Variants in TLN2 observed in about 807,000 individuals in gnomAD.
TLN2 encodes talin-2.
TLN2 carries 118 observed loss-of-function variants against 294.7 expected under a neutral mutation model. The ratio of observed to expected loss-of-function variants is 0.40; its 90% CI spans 0.34 to 0.47. The LOEUF (loss-of-function observed/expected upper bound fraction) is 0.47, where lower values mean the gene tolerates loss of function less well. TLN2 is among the 20% of genes least tolerant of loss of function. TLN2 has a pLI of 0.84. For synonymous variants in TLN2, 1,431 were observed against 1,304.5 expected (o/e 1.10, Z -2.09); for missense variants, 3,083 against 3,282.2 (o/e 0.94, Z 1.48).
At chr15:62,676,933 C>A (rs766219289) in intron 11 of TLN2, among the ~76,000 whole-genome samples, 1 of 152,198 alleles carries the variant, frequency 6.6e-6, no homozygotes, top group African/African-American at 2.4e-5. Context: ...TAAGTGAGAA[C>A]ACAGAGCCCC....
At chr15:62,587,561 T>C (rs1348934527) in intron 1 of TLN2, among the ~76,000 whole-genome samples, 1 of 152,196 alleles carries the variant, frequency 6.6e-6, no homozygotes, top group Non-Finnish European at 1.5e-5. Flanking sequence ...GTTTTCAATG[T>C]CTATGTGGTT....
At chr15:62,487,045 A>T (rs2038436338) in intron 1 of TLN2, among the ~76,000 whole-genome samples, 1 of 152,176 alleles carries the variant, frequency 6.6e-6, no homozygotes, top group Non-Finnish European at 1.5e-5. Context: ...CTTTGACTAT[A>T]TCTAACTATC....
chr15:62,770,632 A>G (rs970863102), intron 41 of TLN2, among the ~76,000 whole-genome samples: 1 of 152,142 alleles, frequency 6.6e-6, no homozygotes, highest in Non-Finnish European at 1.5e-5. Flanking sequence ...CTGAGTTTGT[A>G]AGATGTCTTT....
chr15:62,416,078 C>T (rs190654204), intron 1 of TLN2, among the ~76,000 whole-genome samples: 65 of 152,216 alleles, frequency 4.3e-4, no homozygotes, highest in South Asian at 2.7e-3. Context: ...GTGGGAAGAT[C>T]GCTTGAACTC....
At chr15:62,390,775 G>A (rs1374743828) in intron 1 of TLN2, 90 bp downstream of exon 1, 1 of 152,062 alleles carries the variant, frequency 6.6e-6, no homozygotes, top group African/African-American at 2.4e-5. Flanking sequence ...CCCCTCTCCA[G>A]AAGGAAAATG....
In TLN2 at chr15:62,686,764, C is replaced by T. The variant is rs765543453; in HGVS notation, c.1081C>T (p.Arg361Cys). The stretch of plus-strand genomic sequence containing the variant: ...GGAGTGGCCCCTCACCACCGTCAAG[C>T]GCTGGGCAGCCTCACCCAAGAGCTT... ...LQEWPLTTVK[R>C]WAASPKSFTL... The change falls in exon 12 of 59, where the codon CGC (arginine) becomes TGC (cysteine). Residue 361 changes from arginine to cysteine, a missense_variant. Arg to Cys is a radical substitution (Grantham distance 180). Transcript: ENST00000636159. 6.8e-6 allele frequency: 11 copies of T among 1,613,344 alleles called. No homozygotes were observed. The highest frequency in any genetic ancestry group is 4.0e-5 in the African/African-American group (3 of 74,882).
chr15:62,466,669 T>C (rs532356792), intron 1 of TLN2, among the ~76,000 whole-genome samples: 2 of 152,378 alleles, frequency 1.3e-5, no homozygotes, highest in East Asian at 1.9e-4. Flanking sequence ...AGCTGAGATA[T>C]TTAGTATTTA....
At chr15:62,403,680 C>T (rs1518173) in intron 1 of TLN2, among the ~76,000 whole-genome samples, 21,928 of 152,150 alleles carry the variant, frequency 0.14, 1,675 homozygotes, top group African/African-American at 0.18. Flanking sequence ...TTCCATGTCA[C>T]AATCTGGTTC....
At chr15:62,686,124 G>A (rs1036904195) in intron 11 of TLN2, among the ~76,000 whole-genome samples, 1 of 152,024 alleles carries the variant, frequency 6.6e-6, no homozygotes, top group Non-Finnish European at 1.5e-5. Flanking sequence ...AGAATCAGTA[G>A]ATATACAAAA....
chr15:62,601,145 A>C (rs958215946), intron 2 of TLN2, among the ~76,000 whole-genome samples: 2 of 152,162 alleles, frequency 1.3e-5, no homozygotes, highest in African/African-American at 2.4e-5. Context: ...AAACAGGGAT[A>C]ATTTTCCTTT....
At chr15:62,812,328 T>C (rs2141179886) in intron 52 of TLN2, among the ~76,000 whole-genome samples, 1 of 152,314 alleles carries the variant, frequency 6.6e-6, no homozygotes, top group African/African-American at 2.4e-5. Flanking sequence ...GCATTGATAA[T>C]GTACATGACA....
chr15:62,690,887 G>A (rs1249703641), intron 12 of TLN2, among the ~76,000 whole-genome samples: 238 of 149,118 alleles, frequency 1.6e-3, no homozygotes, highest in African/African-American at 5.9e-3. Context: ...GGCGGTGCGC[G>A]CCTGCAATCG....
intron 3 of TLN2, among the ~76,000 whole-genome samples, chr15:62,620,382 C>T (rs1010415610): frequency 3.3e-5 from 5 of 152,106 alleles, no homozygotes; most frequent in African/African-American, 9.7e-5. Context: ...CCGTGAAAAA[C>T]TTAATCTGAA....
chr15:62,417,893 A>G (rs1038350140), intron 1 of TLN2, among the ~76,000 whole-genome samples: 1 of 152,136 alleles, frequency 6.6e-6, no homozygotes, highest in Non-Finnish European at 1.5e-5. Context: ...TCACTTTCAG[A>G]GCAGGGTGTG....
chr15:62,841,796 C>G lies in TLN2; in HGVS notation c.*1186C>G, dbSNP rs2070732005. ...AGGAAGGGAAGGGCTTGAATTTACC[C>G]TTAATCTGCACCTTTAGCCAAGGCA... On this transcript the variant is annotated 3_prime_UTR_variant, in exon 59 of 59. Coordinates refer to ENST00000636159, the MANE Select transcript of TLN2 (RefSeq NM_015059.3). 1 of 152,110 alleles carries G rather than the reference C, an allele frequency of 6.6e-6. No homozygotes were observed. The allele number at this position is 152,110 out of a possible 1,614,324, so 9.4% of individuals were successfully genotyped here. A position where few individuals can be genotyped will look rare whatever the true frequency, so the allele number is the denominator to read the frequency against.
chr15:62,561,304 A>G (rs2042936122), intron 1 of TLN2: 1 of 152,168 alleles, frequency 6.6e-6, no homozygotes, highest in African/African-American at 2.4e-5. Context: ...AATTATAGCA[A>G]AGGGCCTGTT....
chr15:62,591,623 C>T (rs2046082618), intron 2 of TLN2, among the ~76,000 whole-genome samples: 1 of 152,180 alleles, frequency 6.6e-6, no homozygotes, highest in African/African-American at 2.4e-5. Context: ...CCTTCCTTCC[C>T]ACCATTGTGG....
chr15:62,650,725 G>C (rs938905432), intron 5 of TLN2, among the ~76,000 whole-genome samples: 1 of 152,136 alleles, frequency 6.6e-6, no homozygotes, highest in African/African-American at 2.4e-5. Flanking sequence ...CCAAGATACC[G>C]GGTTTTGGTA....
chr15:62,665,313 G>A (rs1319300385), intron 9 of TLN2, among the ~76,000 whole-genome samples: 1 of 152,120 alleles, frequency 6.6e-6, no homozygotes, highest in Non-Finnish European at 1.5e-5. Flanking sequence ...GCCTCCCAAA[G>A]TGCTGGGATT....
Sources: allele counts gnomAD v4.1 joint callset (sites outside exome capture counted in the v4.1 genomes callset), GRCh38; gene constraint gnomAD v4.1.1; transcripts MANE v1.5; gene names NCBI Gene and HGNC (gene_info 2026-07-23, HGNC 2026-07-21).